TBC1D24: variants seen among roughly 807,000 people sequenced by gnomAD.
The protein encoded by TBC1D24 is TBC1 domain family member 24, also known as Infantile myoclonic epilepsy.
In TBC1D24, 47 loss-of-function variants were observed where a neutral mutation model predicts 50.7. The observed-to-expected ratio is 0.93, with a 90% CI of 0.73 to 1.18. The LOEUF is 1.18. Among genes scored for constraint, TBC1D24 ranks in the 50% most tolerant of loss-of-function variants. TBC1D24 has a pLI of 0.00. For missense variants in TBC1D24, 688 were observed against 766.5 expected, an observed-to-expected ratio of 0.90 and a Z score of 1.21; for synonymous variants, 324 against 335.2, an observed-to-expected ratio of 0.97 and a Z score of 0.36.
At position 2,486,801 on chromosome 16, in the gene TBC1D24, C is replaced by T. The variant is rs1567406772; in HGVS notation, c.-115-9233C>T. On this transcript the variant is annotated intron_variant, in intron 1 of 7. Transcript: ENST00000646147. The surrounding 1 kb of genome is among the most constrained non-coding windows in gnomAD (Gnocchi z 5.8). ...TGGAGCTTCCCTGGGCTGGAATTCT[C>T]TGTTTGTCGCTCGCCCCCGCCTCCA... is the stretch of plus-strand genomic sequence containing the variant. 6.6e-6 allele frequency among the ~76,000 whole-genome samples: 1 copy of T among 152,228 alleles called. No individual in the cohort carries two copies. The highest frequency in any genetic ancestry group is 1.5e-5 in the Non-Finnish European group (1 of 68,034).
intron 1 of TBC1D24, among the ~76,000 whole-genome samples, chr16:2,493,920 A>G (rs1403346434): frequency 6.6e-6 from 1 of 152,228 alleles, no homozygotes; most frequent in Non-Finnish European, 1.5e-5. Context: ...GCAGTTTTAA[A>G]GCTGCAGCAC....
At chr16:2,490,302 CAG>C (rs2065685227) in intron 1 of TBC1D24, among the ~76,000 whole-genome samples, 2 of 152,230 alleles carry the variant, frequency 1.3e-5, no homozygotes, top group African/African-American at 4.8e-5. Flanking sequence ...GCTCCACACT[CAG>C]GGAGCTGCTG....
intron 1 of TBC1D24, among the ~76,000 whole-genome samples, chr16:2,488,236 T>A (rs917430835): frequency 6.6e-6 from 1 of 152,068 alleles, no homozygotes; most frequent in Non-Finnish European, 1.5e-5. Context: ...AGTGAGGACA[T>A]AGGCTGCTGT....
Position 2,499,318 on chromosome 16 carries a change from T to C in TBC1D24, c.1143-39T>C. 1.3e-6 allele frequency: 2 copies of C among 1,589,814 alleles called. No individual in the cohort carries two copies. The highest frequency in any genetic ancestry group is 1.7e-6 in the Non-Finnish European group (2 of 1,165,390). On this transcript the variant is annotated intron_variant, in intron 4 of 7. Transcript: ENST00000646147. The surrounding 1 kb of genome is among the most constrained non-coding windows in gnomAD (Gnocchi z 4.0). ...AGGCTGCAGGAGGCGGCTGGGAGGG[T>C]GTGCAGGGTGACAGCTGGCATGCGT...
chr16:2,478,510 G>A (rs993281109), intron 1 of TBC1D24: 71 of 152,362 alleles, frequency 4.7e-4, no homozygotes, highest in African/African-American at 1.6e-3. Context: ...TTTTGGCCTG[G>A]AGCCAAGGAG....
At chr16:2,491,361 T>C (rs1389254355) in intron 1 of TBC1D24, among the ~76,000 whole-genome samples, 1 of 152,066 alleles carries the variant, frequency 6.6e-6, no homozygotes, top group Admixed American at 6.6e-5. Context: ...TTTTTATTTA[T>C]GTATTTATTT....
In TBC1D24 at chr16:2,499,408, C is replaced by G; in HGVS notation, c.1194C>G (p.Thr398=). Residue 398 remains threonine (T), a synonymous_variant, in exon 5 of 8, where the codon ACC becomes ACG. Transcript: ENST00000646147. The surrounding 1 kb of genome is among the most constrained non-coding windows in gnomAD (Gnocchi z 4.0). The part of the protein sequence containing the change: ...GHEPTLLLIK[T]TQKEVCGAYL... ...AGCCTACCCTCTTGCTCATCAAGAC[C>G]ACGCAGAAGGAGGTGAGCAGGGGCC... is the stretch of plus-strand genomic sequence containing the variant. 6.2e-7 allele frequency: 1 copy of G among 1,613,618 alleles called. No individual in the cohort carries two copies. Among genetic ancestry groups the G allele is most frequent in the Non-Finnish European group, 8.5e-7 (1 of 1,179,856 alleles).
At chr16:2,491,650 G>T (rs111962277) in intron 1 of TBC1D24, among the ~76,000 whole-genome samples, 2,762 of 151,968 alleles carry the variant, frequency 0.018, 89 homozygotes, top group African/African-American at 0.062. Flanking sequence ...TGCCTGCCGG[G>T]TTCAAGCGAT....
At position 2,487,016 on chromosome 16, in the gene TBC1D24, G is replaced by C. The variant is rs538679063; in HGVS notation, c.-115-9018G>C. ...GGCCACCAGGGGGATTTTTGTAAAC[G>C]CAGATCTGATCGGGTCACCTGCCTA... On this transcript the variant is annotated intron_variant, in intron 1 of 7. Transcript: ENST00000646147. The surrounding 1 kb of genome is among the most constrained non-coding windows in gnomAD (Gnocchi z 4.1). Among the ~76,000 whole-genome samples the C allele has an allele frequency of 9.8e-4, 150 of 152,288 alleles. No individual in the cohort carries two copies. The highest frequency in any genetic ancestry group is 3.4e-3 in the African/African-American group (143 of 41,546).
At chr16:2,495,367 C>T (rs1008837407) in intron 1 of TBC1D24, among the ~76,000 whole-genome samples, 7 of 152,036 alleles carry the variant, frequency 4.6e-5, no homozygotes, top group African/African-American at 9.7e-5. Flanking sequence ...AAAACAAGGC[C>T]GGGCACAGTG....
rs181660549 is a variant in TBC1D24 at position 2,505,416 on chromosome 16, G to A, written c.*4458G>A. 1 of 152,318 alleles carries A rather than the reference G, an allele frequency of 6.6e-6. No homozygotes were observed. Among genetic ancestry groups the A allele is most frequent in the African/African-American group, 2.4e-5 (1 of 41,558 alleles). 9.4% of individuals were successfully genotyped at this position (152,318 alleles called of 1,614,324 possible). On this transcript the variant is annotated 3_prime_UTR_variant, in exon 8 of 8. Transcript: ENST00000646147. ...CCTGTAGACATGTCACTTGTGATAA[G>A]GCACGGACAACATGAACTGGCAAAA...
intron 1 of TBC1D24, 100 bp from the exon 2 acceptor site, chr16:2,495,934 T>C: frequency 1.6e-6 from 1 of 607,598 alleles, no homozygotes. Flanking sequence ...CGAGACCCTG[T>C]CTCAAAAGAA....
rs1016316276 is a variant in TBC1D24, at chr16:2,502,498, C to T, written c.*1540C>T. On this transcript the variant is annotated 3_prime_UTR_variant, in exon 8 of 8. Transcript: ENST00000646147. ...TTCCATCCCCACACCATTGCCTGCT[C>T]CTCCCATGGGGCTTTAGCCTCCCCT... 1.3e-5 allele frequency: 2 copies of T among 152,662 alleles called. No individual in the cohort carries two copies. The highest frequency in any genetic ancestry group is 2.9e-5 in the Non-Finnish European group (2 of 68,396). The allele number at this position is 152,662 out of a possible 1,614,324, so 9.5% of individuals were successfully genotyped here.
Position 2,496,643 on chromosome 16 carries a change from C to A in TBC1D24, c.495C>A (p.Gly165=). Residue 165 remains glycine (G), a synonymous_variant, in exon 2 of 8, where the codon GGC becomes GGA. Coordinates refer to ENST00000646147, the MANE Select transcript of TBC1D24 (RefSeq NM_001199107.2). ...ACRILACNDP[G]RRLIDQSFLA... ...GCATCCTGGCCTGCAATGACCCCGG[C>A]AGGAGGCTGATCGACCAGAGCTTCC... 6.2e-7 allele frequency: 1 copy of A among 1,612,512 alleles called. No homozygotes were observed. Among genetic ancestry groups the A allele is most frequent in the Non-Finnish European group, 8.5e-7 (1 of 1,180,022 alleles).
intron 1 of TBC1D24, among the ~76,000 whole-genome samples, chr16:2,491,019 C>T (rs1490214825): frequency 6.6e-6 from 1 of 152,228 alleles, no homozygotes; most frequent in Non-Finnish European, 1.5e-5. Context: ...AGAGTGTGGG[C>T]ACTCAAGCCC....
intron 2 of TBC1D24, 110 bp from the exon 3 acceptor site, chr16:2,497,600 T>G: frequency 8.8e-7 from 1 of 1,135,978 alleles, no homozygotes; most frequent in Non-Finnish European, 1.3e-6. Flanking sequence ...CGTGCAGCCC[T>G]CTTTCTTCTG....
intron 1 of TBC1D24, among the ~76,000 whole-genome samples, chr16:2,492,209 C>A (rs1219615814): frequency 2.0e-5 from 3 of 152,058 alleles, no homozygotes; most frequent in African/African-American, 7.2e-5. Flanking sequence ...ATGTCGTGCG[C>A]TCTTTTTGAG....
rs1258953197 is a variant in TBC1D24 at position 2,504,187 on chromosome 16, T to C, written c.*3229T>C. 6.6e-6 allele frequency: 1 copy of C among 152,170 alleles called. No homozygotes were observed. Among genetic ancestry groups the C allele is most frequent in the Non-Finnish European group, 1.5e-5 (1 of 68,038 alleles). The allele number at this position is 152,170 out of a possible 1,614,324, so 9.4% of individuals were successfully genotyped here. A position where few individuals can be genotyped will look rare whatever the true frequency, so the allele number is the denominator to read the frequency against. ...TTCAGAGGCCTTCATATTTCTCTTA[T>C]CCACTTTCTGAACCCATAAAGCCTT... On this transcript the variant is annotated 3_prime_UTR_variant, in exon 8 of 8. Transcript: ENST00000646147.
intron 1 of TBC1D24, among the ~76,000 whole-genome samples, chr16:2,489,841 C>A (rs1472681188): frequency 6.6e-6 from 1 of 152,212 alleles, no homozygotes; most frequent in African/African-American, 2.4e-5. Flanking sequence ...GGGCTGAGTG[C>A]TTTCTATCAA....
Sources: allele counts gnomAD v4.1 joint callset (sites outside exome capture counted in the v4.1 genomes callset), GRCh38; gene constraint gnomAD v4.1.1; non-coding constraint Gnocchi (gnomAD v3.1); transcripts MANE v1.5; gene names NCBI Gene and HGNC (gene_info 2026-07-23, HGNC 2026-07-21).